DISC1: variants seen among roughly 807,000 people sequenced by gnomAD.
DISC1 encodes disrupted in schizophrenia 1 protein.
In DISC1, 57 loss-of-function variants were observed where a neutral mutation model predicts 84.5. The observed-to-expected ratio is 0.67, with a 90% confidence interval of 0.55 to 0.84. DISC1 has a LOEUF of 0.84. DISC1 is among the 40% of genes least tolerant of loss of function. The probability of loss-of-function intolerance (pLI) is 0.00; values close to 1 mark genes in which losing one functional copy is unlikely to be tolerated. For synonymous variants in DISC1, 411 were observed against 415.2 expected (o/e 0.99, Z 0.12); for missense variants, 1,000 against 1,057.8 (o/e 0.95, Z 0.76).
chr1:231,800,055 T>C (rs1304526645), intron 7 of DISC1, 53 bp from the exon 8 acceptor site: 7 of 1,434,050 alleles, frequency 4.9e-6, no homozygotes, highest in Non-Finnish European at 6.9e-6. Context: ...TTCCACTGCC[T>C]TCTGATTTTT....
rs145280236 is a variant in DISC1 at position 231,802,548 on chromosome 1, A to G, written c.1792+2338A>G. ...AATACATCCATCCTGACTTTGATCT[A>G]TGGCCTGAGGTCCTTTCTTAATTTG... On this transcript the variant is annotated intron_variant, in intron 8 of 12. Transcript: ENST00000439617. Among the ~76,000 whole-genome samples, 266 of 152,290 alleles carry G rather than the reference A, an allele frequency of 1.7e-3. 1 individual carries two copies. The highest frequency in any genetic ancestry group is 3.5e-3 in the South Asian group (17 of 4,830).
chr1:231,969,241 C>T (rs1661577918), intron 10 of DISC1, among the ~76,000 whole-genome samples: 1 of 138,690 alleles, frequency 7.2e-6, no homozygotes, highest in African/African-American at 2.7e-5. Context: ...GCTGTTAGCA[C>T]CTGCTGCAGA....
intron 3 of DISC1, among the ~76,000 whole-genome samples, chr1:231,740,704 T>C (rs533366186): frequency 4.6e-5 from 7 of 152,330 alleles, no homozygotes; most frequent in African/African-American, 1.7e-4. Flanking sequence ...TAATGAGATA[T>C]CTTCAGGATA....
chr1:231,780,011 C>T (rs2077281223), intron 6 of DISC1, among the ~76,000 whole-genome samples: 1 of 151,808 alleles, frequency 6.6e-6, no homozygotes, highest in African/African-American at 2.4e-5. Context: ...TCTCCATATT[C>T]TCACTCATAG....
chr1:231,767,392 T>C, intron 5 of DISC1, 123 bp downstream of exon 5: 2 of 1,395,900 alleles, frequency 1.4e-6, no homozygotes, highest in Non-Finnish European at 2.0e-6. Flanking sequence ...AGCCTTGAGC[T>C]CCTGGGTGAT....
chr1:231,796,277 G>A (rs1026914463), intron 7 of DISC1, among the ~76,000 whole-genome samples: 2 of 152,062 alleles, frequency 1.3e-5, no homozygotes, highest in African/African-American at 4.8e-5. Context: ...TAAATGTTGT[G>A]GCAGAGAACT....
rs200780914 is a variant in DISC1, at chr1:231,675,436, T to C, written c.68-18390T>C. On this transcript the variant is annotated intron_variant, in intron 1 of 12. Coordinates refer to ENST00000439617, the MANE Select transcript of DISC1 (RefSeq NM_018662.3). The surrounding 1 kb of genome is among the most constrained non-coding windows in gnomAD (Gnocchi z 4.1). Reference sequence around the variant, plus strand: ...GATCTAAGCAGGAAGGAGGATCTATTGTGAACCGGTTGGAAGTTGATTTTT... The same window carrying C: ...GATCTAAGCAGGAAGGAGGATCTATCGTGAACCGGTTGGAAGTTGATTTTT... Among the ~76,000 whole-genome samples, 212 of 152,326 alleles carry C rather than the reference T, an allele frequency of 1.4e-3. 1 individual carries two copies. The highest frequency in any genetic ancestry group is 3.4e-3 in the Middle Eastern group (1 of 294).
chr1:231,980,584 T>C (rs1253188612), intron 10 of DISC1, among the ~76,000 whole-genome samples: 1 of 152,240 alleles, frequency 6.6e-6, no homozygotes, highest in Non-Finnish European at 1.5e-5. Context: ...TATGTTACTA[T>C]GTGATAATTA....
In DISC1 at chr1:231,994,999, T is replaced by C. The variant is rs199530372; in HGVS notation, c.2043-13786T>C. Among the ~76,000 whole-genome samples, 91 of 152,346 alleles carry C rather than the reference T, an allele frequency of 6.0e-4. 1 individual carries two copies. Among genetic ancestry groups the C allele is most frequent in the Admixed American group, 1.6e-3 (24 of 15,308 alleles). ...CCTCTACATGTTCCTCGTTAAATAC[T>C]CTTTCTTATATTACATTTCTTCCTT... On this transcript the variant is annotated intron_variant, in intron 10 of 12. Transcript: ENST00000439617.
At chr1:231,706,364 C>T (rs538569791) in intron 3 of DISC1, among the ~76,000 whole-genome samples, 2 of 152,208 alleles carry the variant, frequency 1.3e-5, no homozygotes, top group East Asian at 1.9e-4. Context: ...ATGGGTGGGG[C>T]AGAGAAAAGG....
At chr1:231,810,948 T>C (rs1204893902) in intron 8 of DISC1, among the ~76,000 whole-genome samples, 1 of 152,144 alleles carries the variant, frequency 6.6e-6, no homozygotes, top group African/African-American at 2.4e-5. Flanking sequence ...GTAAGGGTAT[T>C]GTTTTCTGGG....
At chr1:231,714,789 T>A (rs1368271584) in intron 3 of DISC1, among the ~76,000 whole-genome samples, 3 of 152,024 alleles carry the variant, frequency 2.0e-5, no homozygotes, top group Non-Finnish European at 4.4e-5. Flanking sequence ...CATATGCACA[T>A]ACACAGTATG....
chr1:231,832,639 C>G (rs1417314919), intron 9 of DISC1, among the ~76,000 whole-genome samples: 53 of 149,838 alleles, frequency 3.5e-4, no homozygotes, highest in African/African-American at 1.3e-3. Flanking sequence ...TAAGTGAAAG[C>G]GAAGAGAGGC....
At chr1:231,768,741 A>T (rs1436590470) in intron 5 of DISC1, among the ~76,000 whole-genome samples, 1 of 152,244 alleles carries the variant, frequency 6.6e-6, no homozygotes, top group Non-Finnish European at 1.5e-5. Flanking sequence ...GAGATAGACA[A>T]TAAGTGATAA....
intron 1 of DISC1, among the ~76,000 whole-genome samples, chr1:231,628,893 C>T (rs1370222912): frequency 6.6e-6 from 1 of 152,026 alleles, no homozygotes; most frequent in African/African-American, 2.4e-5. Flanking sequence ...AGGCGCATGC[C>T]ACCATGCCCA....
At chr1:231,950,510 G>T (rs888632096) in intron 9 of DISC1, among the ~76,000 whole-genome samples, 1 of 152,174 alleles carries the variant, frequency 6.6e-6, no homozygotes, top group African/African-American at 2.4e-5. Context: ...TTTGACAAAG[G>T]CACGTGAGTG....
intron 9 of DISC1, among the ~76,000 whole-genome samples, chr1:231,875,054 A>G (rs890820252): frequency 6.6e-6 from 1 of 152,212 alleles, no homozygotes; most frequent in African/African-American, 2.4e-5. Context: ...GGATGTGGCC[A>G]TCTGGTTCTC....
intron 9 of DISC1, among the ~76,000 whole-genome samples, chr1:231,925,303 G>A (rs1000499969): frequency 6.6e-6 from 1 of 152,230 alleles, no homozygotes; most frequent in African/African-American, 2.4e-5. Context: ...GATGATGACA[G>A]AACTACCACC....
chr1:231,894,716 A>G lies in DISC1; in HGVS notation c.1982-64112A>G, dbSNP rs183389421. ...ATATCAATCAGTATCTAATAGCATC[A>G]TGACCTCTACAGATTTGTGTGTCAT... On this transcript the variant is annotated intron_variant, in intron 9 of 12. Transcript: ENST00000439617. Among the ~76,000 whole-genome samples the G allele has an allele frequency of 4.0e-5, 6 of 151,084 alleles. No individual in the cohort carries two copies. In the East Asian group the frequency reaches 1.2e-3, roughly 30 times the overall value.
Sources: gnomAD v4.1 joint callset for allele counts (sites outside exome capture counted in the v4.1 genomes callset) on GRCh38, gnomAD v4.1.1 for gene constraint, Gnocchi (gnomAD v3.1) non-coding constraint, MANE v1.5 for transcripts, NCBI Gene and HGNC (gene_info 2026-07-23, HGNC 2026-07-21) for gene names.